Variants in RNF220 observed in about 807,000 individuals in gnomAD.
RNF220 encodes E3 ubiquitin-protein ligase RNF220.
In RNF220, 7 loss-of-function variants were observed where a neutral mutation model predicts 67.1. The ratio of observed to expected loss-of-function variants is 0.10; its 90% CI spans 0.06 to 0.20. RNF220 has a LOEUF of 0.20. Among genes scored for constraint, RNF220 ranks in the 10% least tolerant of loss-of-function variants. The pLI is 1.00. For synonymous variants in RNF220, 270 were observed against 283.2 expected, an observed-to-expected ratio of 0.95 and a Z score of 0.47; for missense variants, 565 against 740.3, an observed-to-expected ratio of 0.76 and a Z score of 2.75.
intron 2 of RNF220, among the ~76,000 whole-genome samples, chr1:44,466,083 C>T (rs571834970): frequency 1.3e-5 from 2 of 152,132 alleles, no homozygotes; most frequent in South Asian, 4.2e-4. Flanking sequence ...TGTAGTCAGT[C>T]CTCTCAATCT....
chr1:44,416,589 T>C (rs1557903504), intron 2 of RNF220, among the ~76,000 whole-genome samples: 1 of 152,204 alleles, frequency 6.6e-6, no homozygotes, highest in Non-Finnish European at 1.5e-5. Context: ...TCAGCCCAGA[T>C]TGGAGTTGGC....
intron 2 of RNF220, among the ~76,000 whole-genome samples, chr1:44,509,543 C>T (rs1658758046): frequency 1.0e-5 from 1 of 99,256 alleles, no homozygotes; most frequent in Admixed American, 1.1e-4. Context: ...GTGTGAGACT[C>T]TGTCTCAAAA....
chr1:44,490,693 G>A (rs945530367), intron 2 of RNF220, among the ~76,000 whole-genome samples: 3 of 151,428 alleles, frequency 2.0e-5, no homozygotes, highest in African/African-American at 7.3e-5. Flanking sequence ...CTGAAAAAAA[G>A]AGCAAACTAA....
In RNF220 at chr1:44,614,303, C is replaced by T. The variant is rs765732385; in HGVS notation, c.758+6C>T. The T allele has an allele frequency of 3.2e-5, 51 of 1,613,154 alleles. No homozygotes were observed. In the East Asian group the frequency reaches 1.1e-3, roughly 36 times the overall value. On this transcript the variant is annotated splice_donor_region_variant and intron_variant, in intron 3 of 14. Coordinates refer to ENST00000361799, the MANE Select transcript of RNF220 (RefSeq NM_018150.4). Reference sequence around the variant, plus strand: ...CTAGCCCAACTGCCCTCGAGGTAAGCCACCTCCCAGGGAGCCTGCCTGCTG... The same window carrying T: ...CTAGCCCAACTGCCCTCGAGGTAAGTCACCTCCCAGGGAGCCTGCCTGCTG...
At chr1:44,491,870 G>T (rs532791784) in intron 2 of RNF220, among the ~76,000 whole-genome samples, 1 of 152,240 alleles carries the variant, frequency 6.6e-6, no homozygotes, top group Non-Finnish European at 1.5e-5. Flanking sequence ...TGCCATGTTG[G>T]CCAGGCTGGG....
chr1:44,488,641 T>C (rs776799215), intron 2 of RNF220, among the ~76,000 whole-genome samples: 1 of 152,026 alleles, frequency 6.6e-6, no homozygotes, highest in Non-Finnish European at 1.5e-5. Context: ...GTAAGAAATA[T>C]GTTTTACATC....
intron 2 of RNF220, among the ~76,000 whole-genome samples, chr1:44,584,210 T>C (rs1379131887): frequency 1.3e-5 from 2 of 152,166 alleles, no homozygotes; most frequent in African/African-American, 4.8e-5. Flanking sequence ...GGCCCTTAGA[T>C]TGTCCCTCCT....
chr1:44,426,662 G>A (rs1280985674), intron 2 of RNF220, among the ~76,000 whole-genome samples: 4 of 151,054 alleles, frequency 2.6e-5, no homozygotes, highest in African/African-American at 9.7e-5. Flanking sequence ...GAGAGACAGA[G>A]GTTGCAGTGA....
chr1:44,535,195 C>T (rs113373519), intron 2 of RNF220, among the ~76,000 whole-genome samples: 3,353 of 138,192 alleles, frequency 0.024, 56 homozygotes, highest in South Asian at 0.046. Flanking sequence ...GGCTGGAGTG[C>T]AGTGGCACGA....
intron 2 of RNF220, among the ~76,000 whole-genome samples, chr1:44,439,794 C>A (rs1651370655): frequency 6.6e-6 from 1 of 152,168 alleles, no homozygotes; most frequent in Non-Finnish European, 1.5e-5. Context: ...TGTGGATGTC[C>A]ACTCAAAGGG....
In RNF220 at chr1:44,423,870, T is replaced by C. The variant is rs6663893; in HGVS notation, c.625+11148T>C. On this transcript the variant is annotated intron_variant, in intron 2 of 14. Coordinates refer to ENST00000361799, the MANE Select transcript of RNF220 (RefSeq NM_018150.4). The stretch of plus-strand genomic sequence containing the variant: ...GGTTAGGCATGTAGTGCCAAGAGTA[T>C]TGAAGAAGGAAAAAAAGAAAGCGAA... 1,845 of 985,382 alleles carry C rather than the reference T, an allele frequency of 1.9e-3. 25 individuals carry two copies. The African/African-American group carries it at 0.03, about 16-fold the overall frequency. 61.0% of individuals were successfully genotyped at this position (985,382 alleles called of 1,614,324 possible).
intron 2 of RNF220, among the ~76,000 whole-genome samples, chr1:44,482,873 G>T (rs2148027184): frequency 1.3e-5 from 2 of 150,320 alleles, no homozygotes; most frequent in African/African-American, 2.5e-5. Flanking sequence ...TACCTGCCTC[G>T]GCCTTCCAAA....
intron 2 of RNF220, among the ~76,000 whole-genome samples, chr1:44,612,908 GGAA>G (rs369550988): frequency 1.4e-4 from 22 of 152,190 alleles, no homozygotes; most frequent in African/African-American, 4.8e-5. Flanking sequence ...GGAACCAGTG[GGAA>G]GAAGAAGAAG....
At chr1:44,538,061 C>T (rs1661372928) in intron 2 of RNF220, among the ~76,000 whole-genome samples, 1 of 152,214 alleles carries the variant, frequency 6.6e-6, no homozygotes, top group Admixed American at 6.5e-5. Flanking sequence ...GAATACTGAT[C>T]CTGTACTTCA....
chr1:44,519,196 G>C (rs1659708696), intron 2 of RNF220, among the ~76,000 whole-genome samples: 1 of 152,206 alleles, frequency 6.6e-6, no homozygotes, highest in Non-Finnish European at 1.5e-5. Flanking sequence ...CAATAAGCGT[G>C]TTGTGTTTTG....
chr1:44,480,463 G>A (rs1655697596), intron 2 of RNF220, among the ~76,000 whole-genome samples: 1 of 151,948 alleles, frequency 6.6e-6, no homozygotes, highest in African/African-American at 2.4e-5. Flanking sequence ...AATGAATGGT[G>A]TAAAAGAGAG....
intron 12 of RNF220, among the ~76,000 whole-genome samples, chr1:44,647,690 A>G (rs1161084665): frequency 2.0e-5 from 3 of 152,178 alleles, no homozygotes; most frequent in Non-Finnish European, 2.9e-5. Context: ...TGTATTGCCC[A>G]TGAAATGGGA....
chr1:44,552,760 G>A (rs988089419), intron 2 of RNF220, among the ~76,000 whole-genome samples: 2 of 151,638 alleles, frequency 1.3e-5, no homozygotes, highest in Non-Finnish European at 2.9e-5. Flanking sequence ...TAGTGGAGAC[G>A]GGGTTTCACC....
chr1:44,648,134 T>A (rs919765196), intron 12 of RNF220, among the ~76,000 whole-genome samples: 1 of 152,216 alleles, frequency 6.6e-6, no homozygotes, highest in African/African-American at 2.4e-5. Context: ...TCCTCCTGGG[T>A]GTAGCCAGTA....
Sources: gnomAD v4.1 joint callset for allele counts (sites outside exome capture counted in the v4.1 genomes callset) on GRCh38, gnomAD v4.1.1 for gene constraint, MANE v1.5 for transcripts, NCBI Gene and HGNC (gene_info 2026-07-23, HGNC 2026-07-21) for gene names.